GRIN2D: variants seen among roughly 807,000 people sequenced by gnomAD.
GRIN2D encodes glutamate receptor ionotropic, NMDA 2D.
A neutral mutation model predicts 103.2 loss-of-function variants in GRIN2D; 37 were observed. That is an observed-to-expected ratio of 0.36 (90% confidence interval 0.28 to 0.47). GRIN2D has a LOEUF of 0.47. Ranked by LOEUF, GRIN2D falls within the 20% of genes least tolerant of loss-of-function variation. The probability of loss-of-function intolerance (pLI) is 1.00; values close to 1 mark genes in which losing one functional copy is unlikely to be tolerated. For missense variants in GRIN2D, 1,557 were observed against 1,910.6 expected (o/e 0.81, Z 3.45); for synonymous variants, 845 against 885.6 (o/e 0.95, Z 0.81).
At chr19:48,411,015 G>GA (rs1401966947) in intron 4 of GRIN2D, among the ~76,000 whole-genome samples, 1 of 152,086 alleles carries the variant, frequency 6.6e-6, no homozygotes, top group Non-Finnish European at 1.5e-5. Context: ...CTAACCAGAG[G>GA]AAGAGACATT....
Position 48,414,033 on chromosome 19 carries a change from C to A in GRIN2D, c.1128C>A (p.Phe376Leu). The change falls in exon 5 of 14, where the codon TTC becomes TTA. Residue 376 changes from phenylalanine (F) to leucine (L), a missense_variant. Physicochemically the swap from Phe to Leu is conservative, Grantham distance 22 (BLOSUM62 0). Coordinates refer to ENST00000263269, the MANE Select transcript of GRIN2D (RefSeq NM_000836.4). The surrounding 1 kb of genome is among the most constrained non-coding windows in gnomAD (Gnocchi z 4.6). ...NITWDNRDYSFNEDGFLVNPS... is the reference protein window; with the variant it reads ...NITWDNRDYSLNEDGFLVNPS... ...CGTGGGATAACCGGGATTACTCCTTCAATGAGGACGGCTTCCTAGTGAACC... is the reference window on the plus strand; with the variant it reads ...CGTGGGATAACCGGGATTACTCCTTAAATGAGGACGGCTTCCTAGTGAACC... 1 of 1,612,890 alleles carries A rather than the reference C, an allele frequency of 6.2e-7. No homozygotes were observed. The highest frequency in any genetic ancestry group is 8.5e-7 in the Non-Finnish European group (1 of 1,178,892).
intron 11 of GRIN2D, among the ~76,000 whole-genome samples, chr19:48,424,304 T>C (rs1442734324): frequency 2.2e-5 from 3 of 137,036 alleles, no homozygotes; most frequent in Non-Finnish European, 3.0e-5. Context: ...AGAGTCTCGC[T>C]CTGTTGCCCA....
chr19:48,443,873 G>C lies in GRIN2D; in HGVS notation c.3947G>C (p.Arg1316Pro). Residue 1316 changes from arginine (R) to proline (P), a missense_variant, in exon 14 of 14, where the codon CGG becomes CCG. Coordinates refer to ENST00000263269, the MANE Select transcript of GRIN2D (RefSeq NM_000836.4). This position sits in a 1 kb window ranked among gnomAD's most constrained non-coding sequence, Gnocchi z 8.9. The stretch of plus-strand genomic sequence containing the variant: ...CCCACAGCTTCCCACCGGAGACACC[G>C]GGGCGGGGACCTGGGCACCCGCAGG... The part of the protein sequence containing the change: ...PLPTASHRRH[R>P]GGDLGTRRGS... 1 of 1,478,730 alleles carries C rather than the reference G, an allele frequency of 6.8e-7. No individual in the cohort carries two copies. Among genetic ancestry groups the C allele is most frequent in the Non-Finnish European group, 8.9e-7 (1 of 1,122,390 alleles). 91.6% of individuals were successfully genotyped at this position (1,478,730 alleles called of 1,614,324 possible). A position where few individuals can be genotyped will look rare whatever the true frequency, so the allele number is the denominator to read the frequency against.
Position 48,444,268 on chromosome 19 carries a change from CG to C in GRIN2D, c.*335del. 8.9e-6 allele frequency: 2 copies of C among 225,354 alleles called. No individual in the cohort carries two copies. Among genetic ancestry groups the C allele is most frequent in the Non-Finnish European group, 1.7e-5 (2 of 115,138 alleles). 14.0% of individuals were successfully genotyped at this position (225,354 alleles called of 1,614,324 possible). A position where few individuals can be genotyped will look rare whatever the true frequency, so the allele number is the denominator to read the frequency against. ...CACTCCCGCGTCCCACCTCCACGCC[CG>C]GGGCCGTGGCCCCCACATCACTGTG... On this transcript the variant is annotated 3_prime_UTR_variant, in exon 14 of 14. Transcript: ENST00000263269. This position sits in a 1 kb window ranked among gnomAD's most constrained non-coding sequence, Gnocchi z 5.5.
In GRIN2D at chr19:48,443,009, C is replaced by T; in HGVS notation, c.3083C>T (p.Pro1028Leu). Residue 1028 changes from proline (P) to leucine (L), a missense_variant, in exon 14 of 14, where the codon CCG becomes CTG. Coordinates refer to ENST00000263269, the MANE Select transcript of GRIN2D (RefSeq NM_000836.4). The surrounding 1 kb of genome is among the most constrained non-coding windows in gnomAD (Gnocchi z 8.9). The stretch of plus-strand genomic sequence containing the variant: ...CCCGCCGGCGCCTTCCCCGGCTTCC[C>T]GTCGCCGCCCGCGCCCCCCGCCGCC... ...EPPAGAFPGF[P>L]SPPAPPAAAA... 2.8e-6 allele frequency: 3 copies of T among 1,073,390 alleles called. No homozygotes were observed. Among genetic ancestry groups the T allele is most frequent in the South Asian group, 3.7e-5 (1 of 27,356 alleles). 66.5% of individuals were successfully genotyped at this position (1,073,390 alleles called of 1,614,324 possible).
Position 48,443,637 on chromosome 19 carries a change from G to A in GRIN2D, c.3711G>A (p.Arg1237=). The A allele has an allele frequency of 9.1e-7, 1 of 1,093,488 alleles. No individual in the cohort carries two copies. The allele number at this position is 1,093,488 out of a possible 1,614,324, so 67.7% of individuals were successfully genotyped here. ...CGCGGTCGCACCCGCACCGCCCGCG[G>A]GCCTCGCACCGCACGCCCGCCGCCG... ...GCPRSHPHRP[R]ASHRTPAAAA... The change falls in exon 14 of 14, where the codon CGG becomes CGA. Residue 1237 remains arginine (R), a synonymous_variant. Coordinates refer to ENST00000263269, the MANE Select transcript of GRIN2D (RefSeq NM_000836.4). The surrounding 1 kb of genome is among the most constrained non-coding windows in gnomAD (Gnocchi z 8.9).
At chr19:48,423,548 G>T (rs893813704) in intron 11 of GRIN2D, among the ~76,000 whole-genome samples, 1 of 152,154 alleles carries the variant, frequency 6.6e-6, no homozygotes, top group African/African-American at 2.4e-5. Flanking sequence ...CCTGCAGGAG[G>T]TGAAAGAGCT....
chr19:48,415,178 T>A, intron 7 of GRIN2D, 146 bp downstream of exon 7: 1 of 721,088 alleles, frequency 1.4e-6, no homozygotes, highest in African/African-American at 1.8e-5. Context: ...CGAGACCAGT[T>A]TGGGCAAAAC....
chr19:48,436,304 G>GT, intron 11 of GRIN2D, among the ~76,000 whole-genome samples: 1 of 152,068 alleles, frequency 6.6e-6, no homozygotes, highest in Non-Finnish European at 1.5e-5. Flanking sequence ...TCGAAGTGAG[G>GT]TTTTCTTGCT....
rs1482308444 is a variant in GRIN2D at position 48,442,962 on chromosome 19, C to A, written c.3036C>A (p.Arg1012=). The change falls in exon 14 of 14, where the codon CGC becomes CGA. Residue 1012 remains arginine (R), a synonymous_variant. Coordinates refer to ENST00000263269, the MANE Select transcript of GRIN2D (RefSeq NM_000836.4). The surrounding 1 kb of genome is among the most constrained non-coding windows in gnomAD (Gnocchi z 7.2). ...KPPPSYFAIV[R]DKEPAEPPAG... ...CGCCCTCCTATTTCGCCATCGTACG[C>A]GACAAGGAGCCAGCCGAGCCCCCCG... is the stretch of plus-strand genomic sequence containing the variant. The A allele has an allele frequency of 3.5e-6, 4 of 1,144,104 alleles. No individual in the cohort carries two copies. In the African/African-American group the frequency reaches 5.0e-5, roughly 14 times the overall value. The allele number at this position is 1,144,104 out of a possible 1,614,324, so 70.9% of individuals were successfully genotyped here.
chr19:48,426,228 T>TTTTTTTTTTTCTTTTTC lies in GRIN2D; in HGVS notation c.2252+4293_2252+4294insCTTTTTCTTTTTTTTTT. Among the ~76,000 whole-genome samples, 2 of 141,706 alleles carry TTTTTTTTTTTCTTTTTC rather than the reference T, an allele frequency of 1.4e-5. 1 individual carries two copies. The highest frequency in any genetic ancestry group is 3.0e-5 in the Non-Finnish European group (2 of 67,100). 93.0% of individuals were successfully genotyped at this position (141,706 alleles called of 152,430 possible). On this transcript the variant is annotated intron_variant, in intron 11 of 13. Transcript: ENST00000263269. Reference sequence around the variant, plus strand: ...TTTTTCTTTCTTTCTTTCTTTCTTTTTTTTTTTTTTTTTCTGAAACAGAGT... The same window carrying TTTTTTTTTTTCTTTTTC: ...TTTTTCTTTCTTTCTTTCTTTCTTTTTTTTTTTTTTCTTTTTCTTTTTTTTTTTTTCTGAAACAGAGT...
chr19:48,443,862 C>A lies in GRIN2D; in HGVS notation c.3936C>A (p.His1312Gln). 2.7e-6 allele frequency: 4 copies of A among 1,483,176 alleles called. No homozygotes were observed. The highest frequency in any genetic ancestry group is 3.6e-6 in the Non-Finnish European group (4 of 1,124,680). The allele number at this position is 1,483,176 out of a possible 1,614,324, so 91.9% of individuals were successfully genotyped here. A position where few individuals can be genotyped will look rare whatever the true frequency, so the allele number is the denominator to read the frequency against. The change falls in exon 14 of 14, where the codon CAC becomes CAA. Residue 1312 changes from histidine (H) to glutamine (Q), a missense_variant. Coordinates refer to ENST00000263269, the MANE Select transcript of GRIN2D (RefSeq NM_000836.4). This position sits in a 1 kb window ranked among gnomAD's most constrained non-coding sequence, Gnocchi z 8.9. ...GGCCGCCGCTGCCCACAGCTTCCCA[C>A]CGGAGACACCGGGGCGGGGACCTGG... is the stretch of plus-strand genomic sequence containing the variant. Reference protein sequence around the residue: ...HWGPPLPTASHRRHRGGDLGT... With the variant: ...HWGPPLPTASQRRHRGGDLGT...
intron 2 of GRIN2D, among the ~76,000 whole-genome samples, chr19:48,397,603 C>T (rs1028083099): frequency 3.9e-5 from 6 of 151,916 alleles, no homozygotes; most frequent in Non-Finnish European, 7.4e-5. Context: ...ACTTTCTTGC[C>T]TCGCTTATCT....
chr19:48,436,914 C>T (rs1186118216), intron 11 of GRIN2D, among the ~76,000 whole-genome samples: 1 of 152,114 alleles, frequency 6.6e-6, no homozygotes, highest in East Asian at 1.9e-4. Context: ...GGCCTCTAAA[C>T]TCGAGGTGAT....
intron 10 of GRIN2D, among the ~76,000 whole-genome samples, chr19:48,420,426 T>C (rs1298936845): frequency 6.6e-6 from 1 of 151,858 alleles, no homozygotes; most frequent in Non-Finnish European, 1.5e-5. Context: ...AGACTCTGTC[T>C]CAAAAAAACA....
At chr19:48,435,536 C>T (rs1054568663) in intron 11 of GRIN2D, among the ~76,000 whole-genome samples, 4 of 152,106 alleles carry the variant, frequency 2.6e-5, no homozygotes, top group East Asian at 1.9e-4. Context: ...GTGATCCGCT[C>T]GAGGTTCAAG....
At chr19:48,401,167 A>G (rs1462853458) in intron 3 of GRIN2D, among the ~76,000 whole-genome samples, 1 of 151,740 alleles carries the variant, frequency 6.6e-6, no homozygotes. Context: ...GAGAAAGCCC[A>G]CTTGCTGTTC....
intron 11 of GRIN2D, among the ~76,000 whole-genome samples, chr19:48,428,089 T>G (rs1172590207): frequency 1.4e-5 from 2 of 143,652 alleles, no homozygotes; most frequent in African/African-American, 5.2e-5. Context: ...CAGGCTGGAG[T>G]GCAGTGACAT....
At chr19:48,406,943 GTTCT>G (rs1335241204) in intron 4 of GRIN2D, among the ~76,000 whole-genome samples, 2 of 151,856 alleles carry the variant, frequency 1.3e-5, no homozygotes, top group Admixed American at 1.3e-4. Context: ...GCTCTTTCTG[GTTCT>G]TTCTTTTTTT....
Sources: gnomAD v4.1 joint callset for allele counts (sites outside exome capture counted in the v4.1 genomes callset) on GRCh38, gnomAD v4.1.1 for gene constraint, Gnocchi (gnomAD v3.1) non-coding constraint, MANE v1.5 for transcripts, NCBI Gene and HGNC (gene_info 2026-07-23, HGNC 2026-07-21) for gene names.